ELP4: variants seen among roughly 807,000 people sequenced by gnomAD.
ELP4 encodes elongator acetyltransferase complex subunit 4.
A neutral mutation model predicts 48.9 loss-of-function variants in ELP4; 51 were observed. The observed-to-expected ratio is 1.04, with a 90% CI of 0.83 to 1.32. The LOEUF is 1.32. Among genes scored for constraint, ELP4 ranks in the 40% most tolerant of loss-of-function variants. The pLI is 0.00. For synonymous variants in ELP4, 210 were observed against 189.2 expected, an observed-to-expected ratio of 1.11 and a Z score of -0.90; for missense variants, 519 against 514.6, an observed-to-expected ratio of 1.01 and a Z score of -0.08.
Position 31,756,290 on chromosome 11 carries a change from C to T in ELP4, c.1144-27103C>T, listed in dbSNP as rs562176664. On this transcript the variant is annotated intron_variant, in intron 9 of 9. Coordinates refer to ENST00000640961, the MANE Select transcript of ELP4 (RefSeq NM_019040.5). ...CATGCCACTTTCCATGACTAAAAGC[C>T]TTCATTGATTCACCACTGCCTTCAG... Among the ~76,000 whole-genome samples the T allele has an allele frequency of 3.9e-5, 6 of 152,298 alleles. No individual in the cohort carries two copies. In the South Asian group the frequency reaches 1.2e-3, roughly 32 times the overall value.
intron 4 of ELP4, among the ~76,000 whole-genome samples, chr11:31,602,261 G>C (rs370682672): frequency 2.0e-5 from 3 of 151,812 alleles, no homozygotes; most frequent in African/African-American, 7.3e-5. Context: ...ACTATAATCC[G>C]GATAAAGAAT....
chr11:31,730,804 AG>A (rs1374363263), intron 9 of ELP4, among the ~76,000 whole-genome samples: 1 of 152,188 alleles, frequency 6.6e-6, no homozygotes, highest in Non-Finnish European at 1.5e-5. Flanking sequence ...GGGCTGCCCA[AG>A]GGGCTGAATT....
At chr11:31,776,867 T>G (rs968627566) in intron 9 of ELP4, among the ~76,000 whole-genome samples, 3 of 152,232 alleles carry the variant, frequency 2.0e-5, no homozygotes, top group African/African-American at 7.2e-5. Flanking sequence ...AATTGGGCCT[T>G]AAACAAAAAG....
In ELP4 at chr11:31,578,738, G is replaced by A. The variant is rs570335976; in HGVS notation, c.382-16032G>A. Reference sequence around the variant, plus strand: ...TGCTGGGAAAACTGGCTAGCCACATGTAGAAAGCTGAAACTGGATCCCTTC... The same window carrying A: ...TGCTGGGAAAACTGGCTAGCCACATATAGAAAGCTGAAACTGGATCCCTTC... On this transcript the variant is annotated intron_variant, in intron 3 of 9. Transcript: ENST00000640961. 5.3e-5 allele frequency among the ~76,000 whole-genome samples: 8 copies of A among 152,338 alleles called. No homozygotes were observed. The South Asian group carries it at 1.7e-3, about 32-fold the overall frequency.
In ELP4 at chr11:31,603,918, G is replaced by T; in HGVS notation, c.653+11G>T. The T allele has an allele frequency of 6.2e-7, 1 of 1,603,046 alleles. No homozygotes were observed. The highest frequency in any genetic ancestry group is 1.1e-5 in the South Asian group (1 of 89,474). On this transcript the variant is annotated intron_variant, in intron 5 of 9. Coordinates refer to ENST00000640961, the MANE Select transcript of ELP4 (RefSeq NM_019040.5). ...CAAAGTAGAACCCTGGTAAGTTAATGACCCATTTAATAACAAAATCTGATT... is the reference window on the plus strand; with the variant it reads ...CAAAGTAGAACCCTGGTAAGTTAATTACCCATTTAATAACAAAATCTGATT...
intron 9 of ELP4, chr11:31,719,505 C>T (rs1448404898): frequency 7.5e-6 from 3 of 398,050 alleles, no homozygotes; most frequent in African/African-American, 2.1e-5. Flanking sequence ...CTTTTCCAAA[C>T]TTGAAGATTT....
chr11:31,551,891 A>G (rs753317840), intron 3 of ELP4, among the ~76,000 whole-genome samples: 44 of 152,172 alleles, frequency 2.9e-4, no homozygotes, highest in Non-Finnish European at 4.9e-4. Context: ...CCCTAATTTT[A>G]TAAGTAAGAG....
intron 3 of ELP4, among the ~76,000 whole-genome samples, chr11:31,541,950 A>T (rs1233921080): frequency 6.6e-6 from 1 of 152,194 alleles, no homozygotes; most frequent in Non-Finnish European, 1.5e-5. Context: ...TAAAATATAA[A>T]ACTACAGTTA....
intron 6 of ELP4, 131 bp from the exon 7 acceptor site, chr11:31,632,086 A>G (rs997538064): frequency 3.2e-6 from 2 of 623,516 alleles, no homozygotes; most frequent in Non-Finnish European, 5.4e-6. Flanking sequence ...TACTAATAGT[A>G]CATAAAAATT....
intron 2 of ELP4, among the ~76,000 whole-genome samples, chr11:31,535,878 T>C (rs1565040209): frequency 6.6e-6 from 1 of 152,178 alleles, no homozygotes; most frequent in Non-Finnish European, 1.5e-5. Context: ...TTTTTCCACT[T>C]AGCATAATGT....
At chr11:31,572,419 C>T (rs1209963322) in intron 3 of ELP4, among the ~76,000 whole-genome samples, 1 of 152,170 alleles carries the variant, frequency 6.6e-6, no homozygotes, top group Admixed American at 6.5e-5. Context: ...AGCCTCTAGA[C>T]GAGGAAAGTA....
chr11:31,692,292 C>T (rs1238744664), intron 9 of ELP4, among the ~76,000 whole-genome samples: 1 of 152,076 alleles, frequency 6.6e-6, no homozygotes, highest in Non-Finnish European at 1.5e-5. Context: ...TTCAGACCTT[C>T]GTCTTAATGG....
rs929214330 is a variant in ELP4, at chr11:31,785,835, A to G, written c.*2311A>G. 5.1e-6 allele frequency: 1 copy of G among 196,158 alleles called. No individual in the cohort carries two copies. Among genetic ancestry groups the G allele is most frequent in the African/African-American group, 2.3e-5 (1 of 43,276 alleles). The allele number at this position is 196,158 out of a possible 1,614,324, so 12.2% of individuals were successfully genotyped here. ...AGACACCATTTTGATACATTATGAA[A>G]TATACACTCCATTAACAGATTTTTT... On this transcript the variant is annotated 3_prime_UTR_variant, in exon 10 of 10. Coordinates refer to ENST00000640961, the MANE Select transcript of ELP4 (RefSeq NM_019040.5).
At position 31,509,882 on chromosome 11, in the gene ELP4, G is replaced by T. The variant is rs1392974549; in HGVS notation, c.98G>T (p.Gly33Val). 4 of 1,614,062 alleles carry T rather than the reference G, an allele frequency of 2.5e-6. No homozygotes were observed. Among genetic ancestry groups the T allele is most frequent in the Non-Finnish European group, 3.4e-6 (4 of 1,180,054 alleles). Residue 33 changes from glycine to valine, a missense_variant, in exon 1 of 10, where the codon GGT (glycine) becomes GTT (valine). By Grantham distance (109) the Gly-to-Val change is moderately radical. Transcript: ENST00000640961. ...KSNVTSFQRRGPRASVTNDSG... is the reference protein window; with the variant it reads ...KSNVTSFQRRVPRASVTNDSG... The stretch of plus-strand genomic sequence containing the variant: ...AACGTCACCAGTTTCCAGAGGAGGG[G>T]TCCTAGAGCCAGCGTGACCAACGAC...
At chr11:31,648,025 A>G in intron 8 of ELP4, 176 bp downstream of exon 8, 1 of 469,850 alleles carries the variant, frequency 2.1e-6, no homozygotes, top group Non-Finnish European at 3.8e-6. Context: ...AACTACATTA[A>G]GACTATAGAC....
At chr11:31,613,653 G>GT (rs1041460751) in intron 5 of ELP4, among the ~76,000 whole-genome samples, 3 of 147,528 alleles carry the variant, frequency 2.0e-5, no homozygotes, top group African/African-American at 5.0e-5. Flanking sequence ...TTCCGGATAA[G>GT]TTTTTTTTTA....
intron 9 of ELP4, among the ~76,000 whole-genome samples, chr11:31,670,586 A>G (rs1565104489): frequency 6.6e-6 from 1 of 152,026 alleles, no homozygotes; most frequent in Non-Finnish European, 1.5e-5. Flanking sequence ...TAATAATTTT[A>G]TGCTAGGGAC....
At chr11:31,652,669 A>G (rs1401170529) in intron 9 of ELP4, 2 of 151,810 alleles carry the variant, frequency 1.3e-5, no homozygotes, top group Admixed American at 6.6e-5. Flanking sequence ...TAGGTAGTCT[A>G]CTGAATCTGA....
intron 4 of ELP4, among the ~76,000 whole-genome samples, chr11:31,595,114 T>C (rs536970785): frequency 6.6e-6 from 1 of 152,314 alleles, no homozygotes; most frequent in African/African-American, 2.4e-5. Context: ...TCTTCCATAA[T>C]GCCCATATAG....
Sources: allele counts gnomAD v4.1 joint callset (sites outside exome capture counted in the v4.1 genomes callset), GRCh38; gene constraint gnomAD v4.1.1; transcripts MANE v1.5; gene names NCBI Gene and HGNC (gene_info 2026-07-23, HGNC 2026-07-21).